GLYCTK: variants seen among roughly 807,000 people sequenced by gnomAD.
GLYCTK encodes the protein HBeAg binding protein 4.
Under a neutral mutation model 24.8 loss-of-function variants are expected in GLYCTK, and 22 were observed. The observed-to-expected ratio is 0.89, with a 90% CI of 0.63 to 1.27. The LOEUF is 1.27. GLYCTK is among the 50% of genes most tolerant of loss of function. GLYCTK has a pLI of 0.00. For synonymous variants in GLYCTK, 320 were observed against 297.2 expected (o/e 1.08, Z -0.79); for missense variants, 684 against 686.7 (o/e 1.00, Z 0.04).
chr3:52,290,780 A>G lies in GLYCTK; in HGVS notation c.377+61A>G, dbSNP rs938073096. The G allele has an allele frequency of 3.8e-6, 6 of 1,595,950 alleles. No homozygotes were observed. In the South Asian group the frequency reaches 6.7e-5, roughly 18 times the overall value. On this transcript the variant is annotated intron_variant, in intron 2 of 4. Coordinates refer to ENST00000436784, the MANE Select transcript of GLYCTK (RefSeq NM_145262.4). Reference sequence around the variant, plus strand: ...TCTGGAGGGAAACCTGGGCCCAGACACAGGCTGAATCGGGCCTCCCCTCCC... The same window carrying G: ...TCTGGAGGGAAACCTGGGCCCAGACGCAGGCTGAATCGGGCCTCCCCTCCC...
chr3:52,290,298 C>G lies in GLYCTK; in HGVS notation c.-39-6C>G. 6.3e-7 allele frequency: 1 copy of G among 1,581,552 alleles called. No homozygotes were observed. ...CAAGGGCCTCAGTTGTGCTTTTTCC[C>G]TCTAGGCAGCCATGGGTGCCAGGCA... is the stretch of plus-strand genomic sequence containing the variant. On this transcript the variant is annotated splice_region_variant and splice_polypyrimidine_tract_variant and intron_variant, in intron 1 of 4. Transcript: ENST00000436784.
rs771159734 is a variant in GLYCTK at position 52,293,011 on chromosome 3, A to G, written c.1457A>G (p.His486Arg). The G allele has an allele frequency of 1.2e-6, 2 of 1,614,118 alleles. No homozygotes were observed. Among genetic ancestry groups the G allele is most frequent in the East Asian group, 2.2e-5 (1 of 44,898 alleles). Residue 486 changes from histidine to arginine, a missense_variant, in exon 5 of 5, where the codon CAC (histidine) becomes CGC (arginine). Coordinates refer to ENST00000436784, the MANE Select transcript of GLYCTK (RefSeq NM_145262.4). ...CTGGACATAGCCACCTTCCTAGCCC[A>G]CAATGACTCACATACCTTCTTCTGC... ...EGLDIATFLA[H>R]NDSHTFFCCL... is the part of the protein sequence containing the mutation.
rs1235945081 is a variant in GLYCTK at position 52,290,450 on chromosome 3, G to A, written c.108G>A (p.Glu36=). Residue 36 remains glutamate, a synonymous_variant, in exon 2 of 5, where the codon GAG becomes GAA. Coordinates refer to ENST00000436784, the MANE Select transcript of GLYCTK (RefSeq NM_145262.4). ...TGGCCAGCAGCATGGCCTTGGCAGA[G>A]CAGGCCAGGCAGCTGTTTGAGAGTG... The part of the protein sequence containing the change: ...ARLASSMALA[E]QARQLFESAV... 1 of 1,612,450 alleles carries A rather than the reference G, an allele frequency of 6.2e-7. No individual in the cohort carries two copies. The highest frequency in any genetic ancestry group is 1.3e-5 in the African/African-American group (1 of 74,954).
rs761902954 is a variant in GLYCTK at position 52,292,626 on chromosome 3, C to T, written c.1072C>T (p.Arg358Cys). 1.3e-5 allele frequency: 21 copies of T among 1,610,480 alleles called. No individual in the cohort carries two copies. The highest frequency in any genetic ancestry group is 4.4e-5 in the South Asian group (4 of 90,870). Residue 358 changes from arginine (R) to cysteine (C), a missense_variant, in exon 5 of 5, where the codon CGC becomes TGC. By Grantham distance (180) the Arg-to-Cys change is radical. Transcript: ENST00000436784. ...GCTGCTGGCCCATGTGGCTAGAACC[C>T]GCCTCACCCCATCCATGGCTGGGGC... ...YGLLAHVART[R>C]LTPSMAGASV...
At chr3:52,287,972 A>C (rs374994097) in intron 1 of GLYCTK, 96 bp downstream of exon 1, 4 of 357,018 alleles carry the variant, frequency 1.1e-5, no homozygotes, top group East Asian at 9.4e-5. Context: ...TCTTTCTCGC[A>C]TCACCGGGCA....
At chr3:52,292,036 C>A in intron 4 of GLYCTK, 114 bp downstream of exon 4, 1 of 1,219,414 alleles carries the variant, frequency 8.2e-7, no homozygotes, top group Non-Finnish European at 1.2e-6. Context: ...GTGTGAAAGA[C>A]CATGGGGCCG....
intron 1 of GLYCTK, among the ~76,000 whole-genome samples, chr3:52,288,211 C>T (rs1444967570): frequency 1.3e-5 from 2 of 151,812 alleles, no homozygotes; most frequent in South Asian, 2.1e-4. Flanking sequence ...AAATGCAAAG[C>T]GTCCAGTTAC....
intron 1 of GLYCTK, chr3:52,288,133 T>G (rs1200706042): frequency 5.8e-6 from 1 of 172,606 alleles, no homozygotes; most frequent in Non-Finnish European, 1.3e-5. Flanking sequence ...TCCGTTGTTT[T>G]GCTCTGGAGC....
Position 52,293,756 on chromosome 3 carries a change from C to A in GLYCTK, c.*630C>A, listed in dbSNP as rs191718341. The A allele has an allele frequency of 2.2e-6, 1 of 453,596 alleles. No homozygotes were observed. Among genetic ancestry groups the A allele is most frequent in the East Asian group, 7.0e-5 (1 of 14,382 alleles). The allele number at this position is 453,596 out of a possible 1,614,324, so 28.1% of individuals were successfully genotyped here. A position where few individuals can be genotyped will look rare whatever the true frequency, so the allele number is the denominator to read the frequency against. On this transcript the variant is annotated 3_prime_UTR_variant, in exon 5 of 5. Transcript: ENST00000436784. The stretch of plus-strand genomic sequence containing the variant: ...CAGTCTGGGGTGACCAGCCACCCAC[C>A]CACCCAACCATGACTCCACCATGGC...
Position 52,292,772 on chromosome 3 carries a change from TG to T in GLYCTK, c.1220del (p.Gly407ValfsTer28). 6.2e-7 allele frequency: 1 copy of T among 1,607,402 alleles called. No individual in the cohort carries two copies. Among genetic ancestry groups the T allele is most frequent in the Non-Finnish European group, 8.5e-7 (1 of 1,176,242 alleles). ...WGRGPVCLLA[G>X]GEPTVQLQGS... is the part of the protein sequence containing the mutation. ...GAAGGGGCCCAGTCTGCCTGCTGGCTGGTGGCGAGCCCACAGTACAGCTGCA... is the reference window on the plus strand; with the variant it reads ...GAAGGGGCCCAGTCTGCCTGCTGGCTGTGGCGAGCCCACAGTACAGCTGCA... On this transcript the variant is annotated frameshift_variant, in exon 5 of 5. Coordinates refer to ENST00000436784, the MANE Select transcript of GLYCTK (RefSeq NM_145262.4). LOFTEE classifies it high-confidence loss of function.
chr3:52,291,819 T>G lies in GLYCTK; in HGVS notation c.602T>G (p.Leu201Arg). ...GAGGAGAAGCAGACACTCACTAGAC[T>G]GCTGGCAGCCCGTGGAGCCACCATC... ...TLEEKQTLTRLLAARGATIQE... is the reference protein window; with the variant it reads ...TLEEKQTLTRRLAARGATIQE... Residue 201 changes from leucine (L) to arginine (R), a missense_variant, in exon 4 of 5, where the codon CTG (leucine) becomes CGG (arginine). Leu to Arg is a moderately radical substitution (Grantham distance 102, BLOSUM62 -2). Coordinates refer to ENST00000436784, the MANE Select transcript of GLYCTK (RefSeq NM_145262.4). 6.2e-7 allele frequency: 1 copy of G among 1,613,890 alleles called. No individual in the cohort carries two copies. Among genetic ancestry groups the G allele is most frequent in the Non-Finnish European group, 8.5e-7 (1 of 1,179,994 alleles).
intron 1 of GLYCTK, chr3:52,288,550 T>A (rs1700360986): frequency 6.6e-6 from 1 of 152,436 alleles, no homozygotes; most frequent in Non-Finnish European, 1.5e-5. Context: ...GACGAATAAT[T>A]GTTAAGTCCT....
chr3:52,287,849 T>G lies in GLYCTK; in HGVS notation c.-67T>G, dbSNP rs1267511015. On this transcript the variant is annotated 5_prime_UTR_variant, in exon 1 of 5. Transcript: ENST00000436784. ...CCCTAGTACTTCCGTTCTCCAGCGC[T>G]GGGCACCGCGGCCGGAGCTGTGGGC... 1 of 452,702 alleles carries G rather than the reference T, an allele frequency of 2.2e-6. No homozygotes were observed. Among genetic ancestry groups the G allele is most frequent in the Admixed American group, 2.4e-5 (1 of 42,506 alleles). 28.0% of individuals were successfully genotyped at this position (452,702 alleles called of 1,614,324 possible).
chr3:52,291,293 G>A, intron 3 of GLYCTK, 182 bp downstream of exon 3: 2 of 692,628 alleles, frequency 2.9e-6, no homozygotes, highest in Non-Finnish European at 5.0e-6. Context: ...CCTCCCCTGA[G>A]CTGTGGAGTC....
In GLYCTK at chr3:52,293,161, C is replaced by G. The variant is rs1420083901; in HGVS notation, c.*35C>G. 2 of 1,610,532 alleles carry G rather than the reference C, an allele frequency of 1.2e-6. No homozygotes were observed. The highest frequency in any genetic ancestry group is 1.1e-5 in the South Asian group (1 of 90,990). ...TCACATTTTGGGAGTTCAGAGGAGG[C>G]CTACAAGGGCAAGGTCAGATGGCAG... is the stretch of plus-strand genomic sequence containing the variant. On this transcript the variant is annotated 3_prime_UTR_variant, in exon 5 of 5. Transcript: ENST00000436784.
chr3:52,291,263 GCCTTGGGC>G (rs1700460758), intron 3 of GLYCTK, 152 bp downstream of exon 3: 1 of 958,370 alleles, frequency 1.0e-6, no homozygotes, highest in Non-Finnish European at 1.6e-6. Context: ...CTCCTGGGTT[GCCTTGGGC>G]TAGTCGTCTG....
Position 52,292,346 on chromosome 3 carries a change from G to A in GLYCTK, c.792G>A (p.Val264=), listed in dbSNP as rs768021314. The A allele has an allele frequency of 1.2e-6, 2 of 1,614,052 alleles. No homozygotes were observed. The highest frequency in any genetic ancestry group is 1.7e-6 in the Non-Finnish European group (2 of 1,180,010). Residue 264 remains valine (V), a synonymous_variant, in exon 5 of 5, where the codon GTG becomes GTA. Coordinates refer to ENST00000436784, the MANE Select transcript of GLYCTK (RefSeq NM_145262.4). ...CCACCGTGGCCAGTTCCCACAATGTGCAAGATTGCCTGCATATCCTCAATC... is the reference window on the plus strand; with the variant it reads ...CCACCGTGGCCAGTTCCCACAATGTACAAGATTGCCTGCATATCCTCAATC... ...SGPTVASSHN[V]QDCLHILNRY... is the part of the protein sequence containing the mutation.
Position 52,293,411 on chromosome 3 carries a change from G to A in GLYCTK, c.*285G>A, listed in dbSNP as rs896388654. 12 of 655,470 alleles carry A rather than the reference G, an allele frequency of 1.8e-5. No individual in the cohort carries two copies. Among genetic ancestry groups the A allele is most frequent in the Non-Finnish European group, 3.1e-5 (11 of 354,574 alleles). 40.6% of individuals were successfully genotyped at this position (655,470 alleles called of 1,614,324 possible). On this transcript the variant is annotated 3_prime_UTR_variant, in exon 5 of 5. Transcript: ENST00000436784. ...CTCCCTTGGGCAGCCTCTCTCTTGA[G>A]CCCCTCACCCTGTTTCTTTCTGTGA... is the stretch of plus-strand genomic sequence containing the variant.
chr3:52,291,127 GGCCCAAGACTGTTGGTGGGGGGTGCACC>G lies in GLYCTK; in HGVS notation c.529+17_529+44del. On this transcript the variant is annotated intron_variant, in intron 3 of 4. Coordinates refer to ENST00000436784, the MANE Select transcript of GLYCTK (RefSeq NM_145262.4). ...CTGATCTCAGGTGTGGTACCACATT[GGCCCAAGACTGTTGGTGGGGGGTGCACC>G]ACCTGATCTCTCAGGTCTTCGAGAG... 1 of 1,607,286 alleles carries G rather than the reference GGCCCAAGACTGTTGGTGGGGGGTGCACC, an allele frequency of 6.2e-7. No individual in the cohort carries two copies.
Sources: allele counts gnomAD v4.1 joint callset (sites outside exome capture counted in the v4.1 genomes callset), GRCh38; gene constraint gnomAD v4.1.1; transcripts MANE v1.5; gene names NCBI Gene and HGNC (gene_info 2026-07-23, HGNC 2026-07-21).